The following TRPM7 variants were observed in gnomAD, a reference collection of about 807,000 sequenced individuals.
TRPM7 encodes the protein LTRPC ion channel family member 7.
TRPM7 carries 134 observed loss-of-function variants against 229.7 expected under a neutral mutation model. The observed-to-expected ratio is 0.58, with a 90% CI of 0.51 to 0.67. The LOEUF (loss-of-function observed/expected upper bound fraction) is 0.67, where lower values mean the gene tolerates loss of function less well. Ranked by LOEUF, TRPM7 falls within the 30% of genes least tolerant of loss-of-function variation. TRPM7 has a pLI of 0.00. For synonymous variants in TRPM7, 699 were observed against 715.2 expected (o/e 0.98, Z 0.36); for missense variants, 1,901 against 2,210.0 (o/e 0.86, Z 2.80).
intron 30 of TRPM7, among the ~76,000 whole-genome samples, chr15:50,580,552 A>T (rs1316339004): frequency 1.3e-5 from 2 of 152,228 alleles, no homozygotes; most frequent in African/African-American, 4.8e-5. Flanking sequence ...TAAAGTCTCA[A>T]ACTAGGTCTC....
chr15:50,622,936 A>G (rs1248219500), intron 12 of TRPM7, among the ~76,000 whole-genome samples: 2 of 152,148 alleles, frequency 1.3e-5, no homozygotes, highest in African/African-American at 4.8e-5. Flanking sequence ...ACTTCAAAGA[A>G]ATTTACAATC....
Position 50,686,584 on chromosome 15 carries a change from T to A in TRPM7, c.-51A>T, listed in dbSNP as rs1460014949. On this transcript the variant is annotated 5_prime_UTR_variant, in exon 1 of 39. Coordinates refer to ENST00000646667, the MANE Select transcript of TRPM7 (RefSeq NM_017672.6). ...GGGCAGCAACTCCACCTCCTCCTCC[T>A]CCGCGGCCTGTAGCCATCTATCGGG... 1 of 1,604,790 alleles carries A rather than the reference T, an allele frequency of 6.2e-7. No homozygotes were observed. The highest frequency in any genetic ancestry group is 2.3e-5 in the East Asian group (1 of 43,796).
At chr15:50,594,352 A>G in intron 24 of TRPM7, 77 bp downstream of exon 24, 1 of 1,312,926 alleles carries the variant, frequency 7.6e-7, no homozygotes, top group Non-Finnish European at 1.0e-6. Flanking sequence ...ATTTTTGAAT[A>G]AAATCAATAT....
At chr15:50,573,524 C>T (rs951894126) in intron 36 of TRPM7, among the ~76,000 whole-genome samples, 1 of 152,068 alleles carries the variant, frequency 6.6e-6, no homozygotes, top group East Asian at 1.9e-4. Context: ...CCACTATGTC[C>T]CATCCAAATT....
At chr15:50,623,964 TG>T (rs2060490498) in intron 12 of TRPM7, among the ~76,000 whole-genome samples, 1 of 152,126 alleles carries the variant, frequency 6.6e-6, no homozygotes, top group Non-Finnish European at 1.5e-5. Flanking sequence ...TATGTGGTTA[TG>T]GTGACAGGGA....
At chr15:50,629,268 G>C (rs1413742443) in intron 10 of TRPM7, among the ~76,000 whole-genome samples, 2 of 142,356 alleles carry the variant, frequency 1.4e-5, no homozygotes, top group African/African-American at 5.5e-5. Flanking sequence ...GGAGAGGGGA[G>C]TTTCCTTCTT....
intron 27 of TRPM7, among the ~76,000 whole-genome samples, chr15:50,589,377 G>C (rs1185259595): frequency 6.8e-6 from 1 of 147,314 alleles, no homozygotes; most frequent in Non-Finnish European, 1.5e-5. Context: ...TTTTTATTTA[G>C]TGAGTATAAT....
In TRPM7 at chr15:50,643,445, G is replaced by A; in HGVS notation, c.430C>T (p.Gln144Ter). Reference protein sequence around the residue: ...KLVISVHGGMQKFELHPRIKQ... With the variant: ...KLVISVHGGM ...ATTCGTGGGTGAAGCTCAAATTTCT[G>A]CATGCCCCCATGTACAGAGATAACA... The change falls in exon 5 of 39, where the codon CAG becomes TAG. Residue 144 changes from glutamine to a stop codon, truncating the protein, a stop_gained. Coordinates refer to ENST00000646667, the MANE Select transcript of TRPM7 (RefSeq NM_017672.6). LOFTEE classifies it high-confidence loss of function. 1.2e-6 allele frequency: 2 copies of A among 1,614,144 alleles called. No homozygotes were observed. The highest frequency in any genetic ancestry group is 1.1e-5 in the South Asian group (1 of 91,082).
intron 13 of TRPM7, among the ~76,000 whole-genome samples, chr15:50,619,407 C>T (rs538513945): frequency 4.0e-5 from 6 of 151,800 alleles, no homozygotes; most frequent in Non-Finnish European, 5.9e-5. Context: ...CTTTTCGTAG[C>T]GATGGGATTT....
At chr15:50,589,903 G>T (rs1463080041) in intron 26 of TRPM7, among the ~76,000 whole-genome samples, 1 of 151,890 alleles carries the variant, frequency 6.6e-6, no homozygotes, top group African/African-American at 2.4e-5. Flanking sequence ...TGTTGCCCAG[G>T]CTGGAGTGCA....
chr15:50,595,817 T>C (rs1218934041), intron 23 of TRPM7, among the ~76,000 whole-genome samples: 1 of 152,124 alleles, frequency 6.6e-6, no homozygotes, highest in African/African-American at 2.4e-5. Context: ...TGAGCCAAGA[T>C]TGTGCCACTC....
At chr15:50,635,248 G>A (rs35314460) in intron 7 of TRPM7, among the ~76,000 whole-genome samples, 18,408 of 148,056 alleles carry the variant, frequency 0.12, 1,307 homozygotes, top group African/African-American at 0.2. Flanking sequence ...AACCCAGGAG[G>A]CAGAGGTTGC....
At chr15:50,616,775 G>C (rs879384028) in intron 13 of TRPM7, among the ~76,000 whole-genome samples, 37 of 152,100 alleles carry the variant, frequency 2.4e-4, no homozygotes, top group Middle Eastern at 3.4e-3. Flanking sequence ...CCGCTTCCCA[G>C]GTCCAAGCAA....
Position 50,592,480 on chromosome 15 carries a change from T to C in TRPM7, c.3755A>G (p.Gln1252Arg). The change falls in exon 26 of 39, where the codon CAG becomes CGG. Residue 1252 changes from glutamine (Q) to arginine (R), a missense_variant. By Grantham distance (43) the Gln-to-Arg change is conservative. Around this residue, in one of 8 missense-constraint regions of TRPM7, gnomAD observed 533 missense variants for 497.1 expected, o/e 1.07. Coordinates refer to ENST00000646667, the MANE Select transcript of TRPM7 (RefSeq NM_017672.6). ...TVDTLKTLTA[Q>R]KASEASKVHN... ...AACTTTGCTAGCTTCCGACGCTTTC[T>C]GGGCAGTGAGTGTTTTTAATGTATC... 1 of 1,614,202 alleles carries C rather than the reference T, an allele frequency of 6.2e-7. No homozygotes were observed. The highest frequency in any genetic ancestry group is 8.5e-7 in the Non-Finnish European group (1 of 1,180,040).
rs1473362563 is a variant in TRPM7 at position 50,559,672 on chromosome 15, A to G, written c.*2006T>C. ...TTTCAAATCTGCAAAACAGGATAAT[A>G]ACACCTATTTCTTTATAACATTGTT... On this transcript the variant is annotated 3_prime_UTR_variant, in exon 39 of 39. Coordinates refer to ENST00000646667, the MANE Select transcript of TRPM7 (RefSeq NM_017672.6). 2 of 152,210 alleles carry G rather than the reference A, an allele frequency of 1.3e-5. No homozygotes were observed. Among genetic ancestry groups the G allele is most frequent in the African/African-American group, 4.8e-5 (2 of 41,454 alleles). The allele number at this position is 152,210 out of a possible 1,614,324, so 9.4% of individuals were successfully genotyped here. A position where few individuals can be genotyped will look rare whatever the true frequency, so the allele number is the denominator to read the frequency against.
At chr15:50,565,721 T>C (rs1596046795) in intron 38 of TRPM7, among the ~76,000 whole-genome samples, 1 of 151,978 alleles carries the variant, frequency 6.6e-6, no homozygotes, top group African/African-American at 2.4e-5. Context: ...CTCCGAACAC[T>C]AGCAACAAAC....
intron 38 of TRPM7, among the ~76,000 whole-genome samples, chr15:50,565,119 T>A (rs2053536554): frequency 6.6e-6 from 1 of 151,938 alleles, no homozygotes; most frequent in Non-Finnish European, 1.5e-5. Flanking sequence ...GTAGCTGGGA[T>A]TACAGGCACC....
intron 30 of TRPM7, among the ~76,000 whole-genome samples, chr15:50,580,026 G>C (rs1318165352): frequency 1.3e-5 from 2 of 152,050 alleles, no homozygotes; most frequent in South Asian, 4.1e-4. Flanking sequence ...CACCCACCTT[G>C]GCCTCCCAAA....
At chr15:50,592,689 A>G (rs1391683542) in intron 25 of TRPM7, 63 bp from the exon 26 acceptor site, 1 of 1,161,582 alleles carries the variant, frequency 8.6e-7, no homozygotes, top group East Asian at 2.4e-5. Flanking sequence ...TTTATTTTGT[A>G]GCCTCAAATA....
Sources: allele counts gnomAD v4.1 joint callset (sites outside exome capture counted in the v4.1 genomes callset), GRCh38; gene constraint gnomAD v4.1.1; regional missense constraint gnomAD v4.1.1; transcripts MANE v1.5; gene names NCBI Gene and HGNC (gene_info 2026-07-23, HGNC 2026-07-21).